Variants in ABCC1 observed in about 807,000 individuals in gnomAD.
The protein encoded by ABCC1 is ATP binding cassette subfamily C member 1 (ABCC1 blood group).
Under a neutral mutation model 172.9 loss-of-function variants are expected in ABCC1, and 83 were observed. The observed-to-expected ratio is 0.48, with a 90% CI of 0.40 to 0.58. The LOEUF is 0.58. ABCC1 is among the 20% of genes least tolerant of loss of function. The pLI is 0.00. For synonymous variants in ABCC1, 937 were observed against 825.2 expected, an observed-to-expected ratio of 1.14 and a Z score of -2.32; for missense variants, 1,817 against 2,002.7, an observed-to-expected ratio of 0.91 and a Z score of 1.77.
Position 16,069,151 on chromosome 16 carries a change from AT to A in ABCC1, c.1824+850del, listed in dbSNP as rs200443034. On this transcript the variant is annotated intron_variant, in intron 13 of 30. Coordinates refer to ENST00000399410, the MANE Select transcript of ABCC1 (RefSeq NM_004996.4). ...GGTAAAACCCTGTATGTAAAAAAAA[AT>A]AAAATAAAATAAAATAAAAATAAAT... 5.3e-3 allele frequency among the ~76,000 whole-genome samples: 735 copies of A among 138,542 alleles called. 6 individuals carry two copies. The highest frequency in any genetic ancestry group is 0.015 in the African/African-American group (561 of 37,054). The allele number at this position is 138,542 out of a possible 152,430, so 90.9% of individuals were successfully genotyped here.
chr16:15,958,792 C>A (rs927036667), intron 1 of ABCC1, among the ~76,000 whole-genome samples: 2 of 152,094 alleles, frequency 1.3e-5, no homozygotes, highest in South Asian at 4.1e-4. Context: ...TTGAACGGGG[C>A]CTTTGAGGAA....
intron 10 of ABCC1, among the ~76,000 whole-genome samples, chr16:16,052,416 G>A (rs1218718118): frequency 6.7e-6 from 1 of 148,638 alleles, no homozygotes; most frequent in East Asian, 1.9e-4. Context: ...GCAACATAGC[G>A]AGACCTCATC....
At chr16:16,069,678 C>G (rs539469966) in intron 13 of ABCC1, among the ~76,000 whole-genome samples, 1 of 151,354 alleles carries the variant, frequency 6.6e-6, no homozygotes, top group Non-Finnish European at 1.5e-5. Context: ...GTCAAGTGTA[C>G]ACAGAAGTAG....
At chr16:16,087,127 A>G (rs1409236173) in intron 18 of ABCC1, 136 bp downstream of exon 18, 1 of 1,076,866 alleles carries the variant, frequency 9.3e-7, no homozygotes, top group Non-Finnish European at 1.3e-6. Context: ...CACATTTCTC[A>G]TGCTTGTCTT....
At chr16:16,097,420 G>C (rs2051530270) in intron 19 of ABCC1, among the ~76,000 whole-genome samples, 1 of 152,100 alleles carries the variant, frequency 6.6e-6, no homozygotes, top group South Asian at 2.1e-4. Context: ...GCTGCTCTGA[G>C]GGCTTTTTGG....
intron 1 of ABCC1, among the ~76,000 whole-genome samples, chr16:16,005,682 C>T (rs180897802): frequency 6.6e-5 from 10 of 152,232 alleles, no homozygotes; most frequent in Admixed American, 1.3e-4. Flanking sequence ...AGAGACCGGG[C>T]GTGGTGGCTC....
intron 1 of ABCC1, among the ~76,000 whole-genome samples, chr16:15,992,691 G>T (rs574365602): frequency 1.3e-5 from 2 of 152,328 alleles, no homozygotes; most frequent in South Asian, 2.1e-4. Context: ...GTGAGCCACT[G>T]TGCCTGGCCA....
At chr16:16,071,807 T>C in intron 14 of ABCC1, 78 bp downstream of exon 14, 1 of 1,340,718 alleles carries the variant, frequency 7.5e-7, no homozygotes, top group Non-Finnish European at 1.0e-6. Flanking sequence ...CTTGCATTTC[T>C]TTCCCTTGGC....
intron 20 of ABCC1, among the ~76,000 whole-genome samples, chr16:16,103,457 G>A (rs1263224915): frequency 6.6e-6 from 1 of 152,040 alleles, no homozygotes; most frequent in Admixed American, 6.6e-5. Context: ...GCAGGCGCCT[G>A]TAGTCCCAGC....
chr16:16,053,746 C>A (rs1378549923), intron 11 of ABCC1, among the ~76,000 whole-genome samples: 1 of 117,582 alleles, frequency 8.5e-6, no homozygotes, highest in Non-Finnish European at 1.6e-5. Context: ...ATGATTGTGC[C>A]ACTGCACAAC....
chr16:15,976,295 G>A (rs892908792), intron 1 of ABCC1, among the ~76,000 whole-genome samples: 2 of 152,132 alleles, frequency 1.3e-5, no homozygotes, highest in African/African-American at 4.8e-5. Context: ...ACAGAGAAAA[G>A]GCGGATCGTT....
chr16:16,135,525 A>G (rs547111815), intron 28 of ABCC1, among the ~76,000 whole-genome samples: 1 of 152,038 alleles, frequency 6.6e-6, no homozygotes, highest in East Asian at 1.9e-4. Flanking sequence ...GCACGATCTC[A>G]GCTTACTGCA....
intron 3 of ABCC1, 81 bp from the exon 4 acceptor site, chr16:16,014,410 G>A: frequency 1.3e-6 from 2 of 1,509,314 alleles, no homozygotes; most frequent in South Asian, 1.3e-5. Flanking sequence ...TTGCACCACT[G>A]CGCTCCAGCC....
At chr16:16,058,203 A>C (rs998612018) in intron 12 of ABCC1, among the ~76,000 whole-genome samples, 1 of 152,198 alleles carries the variant, frequency 6.6e-6, no homozygotes, top group African/African-American at 2.4e-5. Flanking sequence ...CCATACAGAG[A>C]TGGACTTTGG....
chr16:16,074,876 T>C (rs1174005834), intron 14 of ABCC1, among the ~76,000 whole-genome samples: 1 of 152,140 alleles, frequency 6.6e-6, no homozygotes, highest in Non-Finnish European at 1.5e-5. Flanking sequence ...CAAAAAATAC[T>C]CCTGTATTAT....
At chr16:15,994,028 G>A (rs1376067762) in intron 1 of ABCC1, among the ~76,000 whole-genome samples, 3 of 152,124 alleles carry the variant, frequency 2.0e-5, no homozygotes, top group Admixed American at 6.5e-5. Context: ...AGACCAGCCT[G>A]GGCAACATGG....
chr16:15,976,113 A>G (rs940336137), intron 1 of ABCC1, among the ~76,000 whole-genome samples: 1 of 151,966 alleles, frequency 6.6e-6, no homozygotes, highest in Admixed American at 6.5e-5. Context: ...TAAAATATAA[A>G]ATCAATCAGG....
At chr16:16,066,802 C>T (rs559089230) in intron 12 of ABCC1, among the ~76,000 whole-genome samples, 6 of 150,384 alleles carry the variant, frequency 4.0e-5, no homozygotes, top group Middle Eastern at 3.6e-3. Context: ...TACTTGGAGA[C>T]TGAGGCATGA....
intron 16 of ABCC1, among the ~76,000 whole-genome samples, chr16:16,080,956 C>T (rs2050783700): frequency 6.6e-6 from 1 of 152,152 alleles, no homozygotes; most frequent in Non-Finnish European, 1.5e-5. Context: ...CCTCTGCCTC[C>T]TGGGTTCAAC....
Sources: gnomAD v4.1 joint callset for allele counts (sites outside exome capture counted in the v4.1 genomes callset) on GRCh38, gnomAD v4.1.1 for gene constraint, MANE v1.5 for transcripts, NCBI Gene and HGNC (gene_info 2026-07-23, HGNC 2026-07-21) for gene names.